The following ZNF169 variants were observed in gnomAD, a reference collection of about 807,000 sequenced individuals.
ZNF169 encodes zinc finger protein 169.
A neutral mutation model predicts 12.0 loss-of-function variants in ZNF169; 11 were observed. The ratio of observed to expected loss-of-function variants is 0.92; its 90% CI spans 0.58 to 1.52. The LOEUF (loss-of-function observed/expected upper bound fraction) is 1.52. ZNF169 is among the 40% of genes most tolerant of loss of function. The pLI is 0.00. For missense variants in ZNF169, 722 were observed against 744.0 expected (o/e 0.97, Z 0.34); for synonymous variants, 302 against 286.5 (o/e 1.05, Z -0.55).
At chr9:94,260,448 G>T (rs960288444) in intron 1 of ZNF169, among the ~76,000 whole-genome samples, 2 of 150,690 alleles carry the variant, frequency 1.3e-5, no homozygotes, top group African/African-American at 4.9e-5. Flanking sequence ...GGGGAGGATT[G>T]TTTGTGGGTA....
At position 94,299,861 on chromosome 9, in the gene ZNF169, T is replaced by C. The variant is rs749518450; in HGVS notation, c.303T>C (p.Phe101=). Reference sequence around the variant, plus strand: ...CAAGTTTTCCCCACCTGGTGGCCTTTTCTAGCTCGCAGCTCCTCAGACAAT... The same window carrying C: ...CAAGTTTTCCCCACCTGGTGGCCTTCTCTAGCTCGCAGCTCCTCAGACAAT... The part of the protein sequence containing the change: ...FQPSFPHLVA[F]SSSQLLRQYA... The change falls in exon 5 of 5, where the codon TTT becomes TTC. Residue 101 remains phenylalanine (F), a synonymous_variant. Transcript: ENST00000395395. 9 of 1,613,944 alleles carry C rather than the reference T, an allele frequency of 5.6e-6. No homozygotes were observed. In the African/African-American group the frequency reaches 1.2e-4, roughly 22 times the overall value.
Position 94,299,817 on chromosome 9 carries a change from C to A in ZNF169, c.259C>A (p.Pro87Thr). Residue 87 changes from proline (P) to threonine (T), a missense_variant and splice_region_variant, in exon 5 of 5, where the codon CCT (proline) becomes ACT (threonine). By Grantham distance (38) the Pro-to-Thr change is conservative. Transcript: ENST00000395395. ...GACCAAGACTTTCTCTCTAGCAGAG[C>A]CTAGAACAGAATTCCAGCCAAGTTT... ...NEHLLDLCPE[P>T]RTEFQPSFPH... 1 of 1,612,070 alleles carries A rather than the reference C, an allele frequency of 6.2e-7. No individual in the cohort carries two copies. Among genetic ancestry groups the A allele is most frequent in the Non-Finnish European group, 8.5e-7 (1 of 1,178,980 alleles).
chr9:94,297,850 A>G (rs934650164), intron 4 of ZNF169, among the ~76,000 whole-genome samples: 6 of 152,144 alleles, frequency 3.9e-5, no homozygotes, highest in African/African-American at 7.2e-5. Flanking sequence ...TGCCAGGTAC[A>G]TTTCTGATCA....
chr9:94,294,609 G>A (rs1001249817), intron 4 of ZNF169: 1 of 152,090 alleles, frequency 6.6e-6, no homozygotes, highest in Non-Finnish European at 1.5e-5. Flanking sequence ...CCAACATTTG[G>A]GATTGTGAGA....
At chr9:94,261,780 T>C (rs544249768) in intron 1 of ZNF169, among the ~76,000 whole-genome samples, 3 of 152,390 alleles carry the variant, frequency 2.0e-5, no homozygotes, top group African/African-American at 7.2e-5. Flanking sequence ...TTCTCTGATG[T>C]AGTTCTTTAA....
At chr9:94,276,697 T>C (rs1198158640) in intron 1 of ZNF169, among the ~76,000 whole-genome samples, 1 of 152,228 alleles carries the variant, frequency 6.6e-6, no homozygotes, top group Admixed American at 6.5e-5. Context: ...CCGATTGGTG[T>C]CTCTTTAATT....
At chr9:94,289,659 A>G (rs1353009451) in intron 2 of ZNF169, among the ~76,000 whole-genome samples, 1 of 152,120 alleles carries the variant, frequency 6.6e-6, no homozygotes, top group Non-Finnish European at 1.5e-5. Context: ...GCTTGGTGGC[A>G]GGAGCCTGCA....
intron 4 of ZNF169, chr9:94,294,108 T>C (rs1227847316): frequency 6.6e-6 from 1 of 152,222 alleles, no homozygotes; most frequent in African/African-American, 2.4e-5. Flanking sequence ...TCTGTATTCT[T>C]GTATGCCTCC....
chr9:94,264,101 T>TC (rs1457372520), intron 1 of ZNF169, among the ~76,000 whole-genome samples: 2 of 152,034 alleles, frequency 1.3e-5, no homozygotes, highest in Non-Finnish European at 2.9e-5. Flanking sequence ...ATGCTGTCAA[T>TC]CACAATGCAA....
intron 4 of ZNF169, chr9:94,295,498 C>T (rs1345420332): frequency 1.3e-5 from 2 of 152,264 alleles, no homozygotes; most frequent in South Asian, 2.1e-4. Context: ...GCTAAAGTAA[C>T]AAGCATGTCT....
intron 1 of ZNF169, among the ~76,000 whole-genome samples, chr9:94,272,795 TTTCTGTAGTGGC>T (rs1225438169): frequency 6.6e-6 from 1 of 152,172 alleles, no homozygotes; most frequent in African/African-American, 2.4e-5. Flanking sequence ...TTCATACTGT[TTTCTGTAGTGGC>T]TACACCATTT....
chr9:94,283,007 C>T (rs932838720), intron 2 of ZNF169, among the ~76,000 whole-genome samples: 1 of 152,172 alleles, frequency 6.6e-6, no homozygotes, highest in Non-Finnish European at 1.5e-5. Flanking sequence ...CTCTCCCAGC[C>T]CCTGGCAACC....
chr9:94,293,361 A>G, intron 4 of ZNF169: 1 of 596,768 alleles, frequency 1.7e-6, no homozygotes, highest in African/African-American at 1.9e-5. Context: ...GGTTGGCATG[A>G]TCTTCAAAAC....
intron 1 of ZNF169, among the ~76,000 whole-genome samples, chr9:94,264,389 C>T (rs1393960748): frequency 1.3e-5 from 2 of 152,110 alleles, no homozygotes; most frequent in African/African-American, 2.4e-5. Flanking sequence ...CACCTTGGCC[C>T]CCCAAAGTGC....
intron 1 of ZNF169, among the ~76,000 whole-genome samples, chr9:94,266,474 C>T (rs1830296068): frequency 6.6e-6 from 1 of 152,148 alleles, no homozygotes; most frequent in African/African-American, 2.4e-5. Context: ...GGCATAGAGG[C>T]AGCGCCTGCT....
rs12350212 is a variant in ZNF169 at position 94,301,346 on chromosome 9, G to C, written c.1788G>C (p.Gln596His). ...HRHRRTKSGH[Q>H]LLPQEVF ...ACAGGAGGACCAAGTCTGGTCATCA[G>C]CTCCTACCCCAAGAGGTCTTCTGAC... Residue 596 changes from glutamine (Q) to histidine (H), a missense_variant, in exon 5 of 5, where the codon CAG (glutamine) becomes CAC (histidine). Coordinates refer to ENST00000395395, the MANE Select transcript of ZNF169 (RefSeq NM_194320.4). The C allele has an allele frequency of 0.095, 153,170 of 1,612,780 alleles. 8,253 individuals are homozygous for C. Among genetic ancestry groups the C allele is most frequent in the Non-Finnish European group, 0.11 (125,664 of 1,179,076 alleles).
chr9:94,296,822 G>T (rs1587689060), intron 4 of ZNF169: 3 of 456,470 alleles, frequency 6.6e-6, no homozygotes, highest in Non-Finnish European at 1.3e-5. Flanking sequence ...TAGGCAGGCG[G>T]ATCACAAGGT....
At chr9:94,268,058 T>C (rs1830326100) in intron 1 of ZNF169, among the ~76,000 whole-genome samples, 2 of 151,650 alleles carry the variant, frequency 1.3e-5, no homozygotes, top group Admixed American at 1.3e-4. Flanking sequence ...TTAGTAGAGA[T>C]GGGGTTTCTC....
Position 94,300,793 on chromosome 9 carries a change from G to A in ZNF169, c.1235G>A (p.Arg412His), listed in dbSNP as rs748371549. The change falls in exon 5 of 5, where the codon CGC becomes CAC. Residue 412 changes from arginine to histidine, a missense_variant. Transcript: ENST00000395395. ...TGTGCTGAGTGTGGGCACAGCTTTC[G>A]CCAAAAGGTCACTCTCATCAGGCAC... is the stretch of plus-strand genomic sequence containing the variant. Reference protein sequence around the residue: ...YVCAECGHSFRQKVTLIRHQR... With the variant: ...YVCAECGHSFHQKVTLIRHQR... The A allele has an allele frequency of 3.0e-5, 49 of 1,613,900 alleles. No individual in the cohort carries two copies. The East Asian group carries it at 5.8e-4, about 19-fold the overall frequency.
Sources: gnomAD v4.1 joint callset for allele counts (sites outside exome capture counted in the v4.1 genomes callset) on GRCh38, gnomAD v4.1.1 for gene constraint, MANE v1.5 for transcripts, NCBI Gene and HGNC (gene_info 2026-07-23, HGNC 2026-07-21) for gene names.